Variants in TNIK observed in about 807,000 individuals in gnomAD.
The protein encoded by TNIK is TRAF2 and NCK interacting kinase.
In TNIK, 49 loss-of-function variants were observed where a neutral mutation model predicts 191.3. The observed-to-expected ratio is 0.26, with a 90% CI of 0.20 to 0.32. The LOEUF (loss-of-function observed/expected upper bound fraction) is 0.32, where lower values mean the gene tolerates loss of function less well. Among genes scored for constraint, TNIK ranks in the 10% least tolerant of loss-of-function variants. The probability of loss-of-function intolerance (pLI) is 1.00; values close to 1 mark genes in which losing one functional copy is unlikely to be tolerated. For missense variants in TNIK, 1,155 were observed against 1,702.3 expected (o/e 0.68, Z 5.66); for synonymous variants, 594 against 600.9 (o/e 0.99, Z 0.17).
intron 12 of TNIK, among the ~76,000 whole-genome samples, chr3:171,141,670 G>A (rs892263724): frequency 6.6e-6 from 1 of 152,216 alleles, no homozygotes; most frequent in Non-Finnish European, 1.5e-5. Flanking sequence ...CCTGTGCAAG[G>A]CACAGGATTG....
At chr3:171,161,873 T>C (rs1577006255) in intron 10 of TNIK, among the ~76,000 whole-genome samples, 1 of 152,204 alleles carries the variant, frequency 6.6e-6, no homozygotes, top group Middle Eastern at 3.4e-3. Context: ...TGAGCCAAGA[T>C]CGTGCCACTG....
Position 171,066,634 on chromosome 3 carries a change from G to C in TNIK, c.3801C>G (p.Thr1267=), listed in dbSNP as rs779170097. 9 of 1,613,662 alleles carry C rather than the reference G, an allele frequency of 5.6e-6. 1 individual carries two copies. The Admixed American group carries it at 1.5e-4, about 27-fold the overall frequency. ...CCACATCCTTAGTTATCCGGCCATA[G>C]GTGTTTACATACACCCCCTCATCCT... The part of the protein sequence containing the change: ...CYEDEGVYVN[T]YGRITKDVVL... Residue 1267 remains threonine, a synonymous_variant, in exon 31 of 33, where the codon ACC becomes ACG. Coordinates refer to ENST00000436636, the MANE Select transcript of TNIK (RefSeq NM_015028.4).
intron 1 of TNIK, among the ~76,000 whole-genome samples, chr3:171,444,088 A>T (rs1412342031): frequency 6.6e-6 from 1 of 152,204 alleles, no homozygotes; most frequent in East Asian, 1.9e-4. Context: ...TAAAATTTTC[A>T]TGCACGCTCA....
rs750757353 is a variant in TNIK at position 171,101,637 on chromosome 3, T to C, written c.2407-4A>G. On this transcript the variant is annotated splice_region_variant and splice_polypyrimidine_tract_variant and intron_variant, in intron 21 of 32. Coordinates refer to ENST00000436636, the MANE Select transcript of TNIK (RefSeq NM_015028.4). ...CTTTGGCTAATGCCGTCAGATCCTA[T>C]GAAAGAAAAATTTGTTCAGCATATG... 1 of 1,611,532 alleles carries C rather than the reference T, an allele frequency of 6.2e-7. No homozygotes were observed. Among genetic ancestry groups the C allele is most frequent in the Non-Finnish European group, 8.5e-7 (1 of 1,178,942 alleles).
At chr3:171,158,710 C>T (rs1027819633) in intron 11 of TNIK, among the ~76,000 whole-genome samples, 16 of 152,280 alleles carry the variant, frequency 1.1e-4, no homozygotes, top group Middle Eastern at 6.8e-3. Context: ...ATGGGACACA[C>T]ATACAGACAA....
chr3:171,064,156 T>C, intron 32 of TNIK, 192 bp from the exon 33 acceptor site: 1 of 559,172 alleles, frequency 1.8e-6, no homozygotes, highest in Non-Finnish European at 3.2e-6. Flanking sequence ...TATTCCTAGG[T>C]TGTTATTATT....
At chr3:171,157,195 G>A (rs573383356) in intron 12 of TNIK, among the ~76,000 whole-genome samples, 3 of 152,350 alleles carry the variant, frequency 2.0e-5, no homozygotes, top group South Asian at 4.2e-4. Context: ...GTAAAGCTGA[G>A]AAGGTGCTGA....
intron 18 of TNIK, among the ~76,000 whole-genome samples, chr3:171,116,517 T>C (rs1726722879): frequency 6.6e-6 from 1 of 152,224 alleles, no homozygotes; most frequent in South Asian, 2.1e-4. Context: ...GATTACAAAG[T>C]AATTTTGTGG....
intron 10 of TNIK, among the ~76,000 whole-genome samples, chr3:171,165,095 C>T (rs1453730766): frequency 6.6e-6 from 1 of 151,952 alleles, no homozygotes; most frequent in Non-Finnish European, 1.5e-5. Context: ...CAAGACCAGC[C>T]TGGGCAACAT....
intron 1 of TNIK, among the ~76,000 whole-genome samples, chr3:171,403,404 C>T (rs917013650): frequency 6.6e-6 from 1 of 151,986 alleles, no homozygotes; most frequent in Non-Finnish European, 1.5e-5. Flanking sequence ...TACCTGAGAT[C>T]AGAAGTTCGA....
Position 171,436,334 on chromosome 3 carries a change from T to C in TNIK, c.57+23673A>G, listed in dbSNP as rs202139256. Among the ~76,000 whole-genome samples, 6 of 152,370 alleles carry C rather than the reference T, an allele frequency of 3.9e-5. No homozygotes were observed. The East Asian group carries it at 9.6e-4, about 24-fold the overall frequency. ...CCAGATTCAGAGTAGGCTCTCAAAT[T>C]GTTTGCAAGAGTGATGCTGATGTTG... On this transcript the variant is annotated intron_variant, in intron 1 of 32. Coordinates refer to ENST00000436636, the MANE Select transcript of TNIK (RefSeq NM_015028.4).
chr3:171,429,476 T>G (rs1366703533), intron 1 of TNIK, among the ~76,000 whole-genome samples: 1 of 152,240 alleles, frequency 6.6e-6, no homozygotes, highest in Non-Finnish European at 1.5e-5. Context: ...TCTATTTTCC[T>G]TTTAAATATG....
chr3:171,314,493 A>C (rs1754383032), intron 2 of TNIK, among the ~76,000 whole-genome samples: 1 of 152,174 alleles, frequency 6.6e-6, no homozygotes, highest in Non-Finnish European at 1.5e-5. Context: ...AATTTGTCTA[A>C]AGACTCACTG....
intron 2 of TNIK, among the ~76,000 whole-genome samples, chr3:171,296,079 C>A (rs140289760): frequency 6.6e-6 from 1 of 152,126 alleles, no homozygotes; most frequent in Non-Finnish European, 1.5e-5. Context: ...TGTGTCAAAC[C>A]TTTAGTTACT....
At position 171,428,463 on chromosome 3, in the gene TNIK, C is replaced by G. The variant is rs142223184; in HGVS notation, c.57+31544G>C. Among the ~76,000 whole-genome samples the G allele has an allele frequency of 4.0e-3, 606 of 152,182 alleles. 4 individuals are homozygous for G. The highest frequency in any genetic ancestry group is 0.014 in the African/African-American group (576 of 41,544). On this transcript the variant is annotated intron_variant, in intron 1 of 32. Transcript: ENST00000436636. ...TCTCCCCCACCACTGCTTCCTGCCC[C>G]CTGTGGTCAACCGACCAAAGGTCTT...
At chr3:171,162,035 T>G (rs1460665842) in intron 10 of TNIK, among the ~76,000 whole-genome samples, 1 of 152,238 alleles carries the variant, frequency 6.6e-6, no homozygotes, top group Non-Finnish European at 1.5e-5. Context: ...ATTTTTAAAG[T>G]AGGATTTTAT....
intron 22 of TNIK, among the ~76,000 whole-genome samples, chr3:171,097,560 G>C (rs1259973485): frequency 1.3e-5 from 2 of 152,188 alleles, no homozygotes; most frequent in Non-Finnish European, 2.9e-5. Flanking sequence ...TCTTGTGATA[G>C]TGAATAAATC....
intron 15 of TNIK, among the ~76,000 whole-genome samples, chr3:171,136,179 T>G (rs1729954288): frequency 6.6e-6 from 1 of 152,198 alleles, no homozygotes; most frequent in Non-Finnish European, 1.5e-5. Flanking sequence ...GATCTGTAGG[T>G]GTCCCTCTCC....
chr3:171,218,952 ATAAATAT>A (rs1419991239), intron 3 of TNIK, among the ~76,000 whole-genome samples: 2 of 130,158 alleles, frequency 1.5e-5, no homozygotes, highest in African/African-American at 5.8e-5. Context: ...TTAATATATA[ATAAATAT>A]TAAATATTTA....
Sources: allele counts gnomAD v4.1 joint callset (sites outside exome capture counted in the v4.1 genomes callset), GRCh38; gene constraint gnomAD v4.1.1; transcripts MANE v1.5; gene names NCBI Gene and HGNC (gene_info 2026-07-23, HGNC 2026-07-21).